The following FRMD4A variants were observed in gnomAD, a reference collection of about 807,000 sequenced individuals.
FRMD4A encodes the protein FERM domain containing 4A.
FRMD4A carries 29 observed loss-of-function variants against 129.1 expected under a neutral mutation model. The ratio of observed to expected loss-of-function variants is 0.22; its 90% confidence interval spans 0.17 to 0.31. The LOEUF (loss-of-function observed/expected upper bound fraction) is 0.31. FRMD4A is among the 10% of genes least tolerant of loss of function. The probability of loss-of-function intolerance (pLI) is 1.00; values close to 1 mark genes in which losing one functional copy is unlikely to be tolerated. For synonymous variants in FRMD4A, 634 were observed against 571.6 expected (o/e 1.11, Z -1.56); for missense variants, 1,272 against 1,375.8 (o/e 0.92, Z 1.19).
intron 2 of FRMD4A, among the ~76,000 whole-genome samples, chr10:13,959,941 G>A (rs910472364): frequency 6.6e-6 from 1 of 152,212 alleles, no homozygotes. Flanking sequence ...ACCAGTAGAT[G>A]CCGTGGAAAA....
intron 12 of FRMD4A, among the ~76,000 whole-genome samples, chr10:13,719,202 G>A (rs1303474842): frequency 3.3e-5 from 5 of 152,158 alleles, no homozygotes; most frequent in Non-Finnish European, 5.9e-5. Flanking sequence ...CAAGGGATGC[G>A]ATAATAGGGA....
chr10:13,698,048 G>A (rs927563751), intron 14 of FRMD4A, among the ~76,000 whole-genome samples: 18 of 144,502 alleles, frequency 1.2e-4, no homozygotes, highest in Non-Finnish European at 2.4e-4. Context: ...GTCTTAGATC[G>A]TAGAATGGTT....
At chr10:13,685,440 G>A in intron 15 of FRMD4A, 1 of 984,764 alleles carries the variant, frequency 1.0e-6, no homozygotes, top group Non-Finnish European at 1.2e-6. Context: ...CTGAAACTAT[G>A]GTTTGTAAAT....
chr10:14,044,651 C>T (rs1427134113), intron 2 of FRMD4A, among the ~76,000 whole-genome samples: 1 of 152,224 alleles, frequency 6.6e-6, no homozygotes, highest in South Asian at 2.1e-4. Context: ...CCTGAGCCTT[C>T]AGAGGCAGTG....
chr10:13,888,882 A>G (rs1290187372), intron 2 of FRMD4A, among the ~76,000 whole-genome samples: 3 of 152,256 alleles, frequency 2.0e-5, no homozygotes, highest in Admixed American at 2.0e-4. Context: ...TTCAAAAGTT[A>G]TACTGTTCCT....
chr10:13,885,557 C>T (rs758072919), intron 2 of FRMD4A, among the ~76,000 whole-genome samples: 2 of 152,200 alleles, frequency 1.3e-5, no homozygotes. Flanking sequence ...CTAGATACCC[C>T]CTTTCATTCC....
chr10:14,015,115 C>T (rs1026105041), intron 2 of FRMD4A, among the ~76,000 whole-genome samples: 26 of 112,676 alleles, frequency 2.3e-4, no homozygotes, highest in African/African-American at 7.9e-4. Context: ...TTCCTTTCAT[C>T]CTTTCTTCTC....
chr10:13,849,929 GA>G (rs1345684814), intron 3 of FRMD4A, among the ~76,000 whole-genome samples: 1 of 151,820 alleles, frequency 6.6e-6, no homozygotes, highest in East Asian at 2.0e-4. Flanking sequence ...CAGCATTTGG[GA>G]GGCCGAGGTG....
intron 3 of FRMD4A, among the ~76,000 whole-genome samples, chr10:13,816,557 G>A (rs1440258467): frequency 1.3e-5 from 2 of 152,182 alleles, no homozygotes; most frequent in African/African-American, 4.8e-5. Context: ...TCAGCTCCTT[G>A]ATTTCCTGAT....
intron 2 of FRMD4A, among the ~76,000 whole-genome samples, chr10:13,862,379 T>G (rs1463498564): frequency 6.6e-6 from 1 of 152,194 alleles, no homozygotes. Flanking sequence ...ATTTCCAAGC[T>G]CACAAAGTTC....
intron 3 of FRMD4A, among the ~76,000 whole-genome samples, chr10:13,836,755 C>CT (rs35995042): frequency 0.45 from 49,144 of 110,002 alleles, 11,560 homozygotes; most frequent in East Asian, 0.6. Flanking sequence ...CTCAGTGGTT[C>CT]TTTTTTTTTT....
intron 8 of FRMD4A, among the ~76,000 whole-genome samples, chr10:13,752,848 T>TA (rs1216196774): frequency 5.3e-5 from 8 of 152,216 alleles, no homozygotes; most frequent in Non-Finnish European, 1.0e-4. Context: ...AAACTTCATC[T>TA]TTTTGCATGA....
At chr10:14,228,648 C>T (rs192727888) in intron 2 of FRMD4A, among the ~76,000 whole-genome samples, 4 of 152,206 alleles carry the variant, frequency 2.6e-5, no homozygotes, top group East Asian at 3.9e-4. Context: ...AGTGAAACAA[C>T]GAATTTGAGT....
intron 2 of FRMD4A, among the ~76,000 whole-genome samples, chr10:13,907,182 A>G (rs2131214192): frequency 6.6e-6 from 1 of 152,294 alleles, no homozygotes; most frequent in South Asian, 2.1e-4. Flanking sequence ...TCTGTAGAGA[A>G]AAATAGAAAA....
intron 12 of FRMD4A, among the ~76,000 whole-genome samples, chr10:13,719,340 C>T (rs756161723): frequency 6.6e-5 from 10 of 152,092 alleles, no homozygotes; most frequent in Non-Finnish European, 1.3e-4. Flanking sequence ...GGGAAGTCTA[C>T]GATTCCAGCA....
intron 2 of FRMD4A, among the ~76,000 whole-genome samples, chr10:14,127,262 C>G (rs1184560971): frequency 1.3e-5 from 2 of 152,150 alleles, no homozygotes; most frequent in African/African-American, 4.8e-5. Flanking sequence ...TTGGAAAACA[C>G]CCAGGTCCTT....
At chr10:14,124,446 CG>C (rs1269505462) in intron 2 of FRMD4A, among the ~76,000 whole-genome samples, 1 of 152,066 alleles carries the variant, frequency 6.6e-6, no homozygotes, top group African/African-American at 2.4e-5. Context: ...GAGGCCGAAG[CG>C]GGTGGATCAC....
chr10:14,123,060 T>C (rs1481318292), intron 2 of FRMD4A, among the ~76,000 whole-genome samples: 1 of 152,168 alleles, frequency 6.6e-6, no homozygotes, highest in Non-Finnish European at 1.5e-5. Context: ...TATACTATTC[T>C]ATTTTTGAAT....
At chr10:13,854,447 G>A (rs916170323) in intron 3 of FRMD4A, among the ~76,000 whole-genome samples, 5 of 152,046 alleles carry the variant, frequency 3.3e-5, no homozygotes, top group Non-Finnish European at 7.4e-5. Flanking sequence ...GGGGGACAAA[G>A]TCTTGCTCTG....
Sources: allele counts gnomAD v4.1 joint callset (sites outside exome capture counted in the v4.1 genomes callset), GRCh38; gene constraint gnomAD v4.1.1; transcripts MANE v1.5; gene names NCBI Gene and HGNC (gene_info 2026-07-23, HGNC 2026-07-21).